Variants in INPP4B observed in about 807,000 individuals in gnomAD.
INPP4B encodes inositol polyphosphate 4-phosphatase type II.
INPP4B carries 55 observed loss-of-function variants against 122.5 expected under a neutral mutation model. The ratio of observed to expected loss-of-function variants is 0.45; its 90% CI spans 0.36 to 0.56. INPP4B has a LOEUF of 0.56. Ranked by LOEUF, INPP4B falls within the 20% of genes least tolerant of loss-of-function variation. INPP4B has a pLI of 0.00. For synonymous variants in INPP4B, 403 were observed against 388.7 expected (o/e 1.04, Z -0.43); for missense variants, 1,000 against 1,097.7 (o/e 0.91, Z 1.26).
intron 2 of INPP4B, among the ~76,000 whole-genome samples, chr4:142,585,747 T>C (rs1736026623): frequency 6.6e-6 from 1 of 152,040 alleles, no homozygotes; most frequent in African/African-American, 2.4e-5. Context: ...GAGTTGTTTC[T>C]TTGAAGTATC....
rs916545092 is a variant in INPP4B at position 142,026,456 on chromosome 4, C to T, written c.*2326G>A. 8.5e-5 allele frequency: 13 copies of T among 152,130 alleles called. No homozygotes were observed. The highest frequency in any genetic ancestry group is 2.9e-4 in the African/African-American group (12 of 41,432). 9.4% of individuals were successfully genotyped at this position (152,130 alleles called of 1,614,324 possible). A position where few individuals can be genotyped will look rare whatever the true frequency, so the allele number is the denominator to read the frequency against. ...CAGTAAGCACTATAATTTGAGACTT[C>T]TATATTATTCATTTATTTACTTATT... On this transcript the variant is annotated 3_prime_UTR_variant, in exon 26 of 26. Coordinates refer to ENST00000262992, the MANE Select transcript of INPP4B (RefSeq NM_001101669.3).
chr4:142,223,039 A>ATAACCATG (rs1338887388), intron 12 of INPP4B, among the ~76,000 whole-genome samples: 1 of 152,206 alleles, frequency 6.6e-6, no homozygotes, highest in African/African-American at 2.4e-5. Context: ...AAACCTCACA[A>ATAACCATG]TAACCATGTG....
intron 2 of INPP4B, among the ~76,000 whole-genome samples, chr4:142,709,470 C>G (rs895994580): frequency 2.6e-5 from 4 of 152,130 alleles, no homozygotes; most frequent in Admixed American, 6.5e-5. Flanking sequence ...GAAGAGGGGT[C>G]TGGTGGGATG....
intron 7 of INPP4B, among the ~76,000 whole-genome samples, chr4:142,335,032 T>C (rs1232651319): frequency 6.7e-6 from 1 of 149,276 alleles, no homozygotes; most frequent in African/African-American, 2.5e-5. Context: ...ATTCTGGCCT[T>C]CTAAGACCTC....
intron 3 of INPP4B, among the ~76,000 whole-genome samples, chr4:142,462,329 G>A (rs1816897642): frequency 6.6e-6 from 1 of 152,008 alleles, no homozygotes; most frequent in African/African-American, 2.4e-5. Context: ...TGCCTGATTT[G>A]TCCAATTCTA....
intron 7 of INPP4B, among the ~76,000 whole-genome samples, chr4:142,338,432 G>A (rs541960992): frequency 1.3e-5 from 2 of 152,084 alleles, no homozygotes; most frequent in African/African-American, 4.8e-5. Flanking sequence ...TAGAGATGGG[G>A]TTTCACCTTT....
intron 11 of INPP4B, among the ~76,000 whole-genome samples, chr4:142,244,976 G>A (rs946712729): frequency 1.3e-5 from 2 of 152,206 alleles, no homozygotes; most frequent in African/African-American, 4.8e-5. Context: ...CTAATGACCA[G>A]TGATGATGAG....
At chr4:142,662,170 G>C (rs924471621) in intron 2 of INPP4B, among the ~76,000 whole-genome samples, 11 of 151,990 alleles carry the variant, frequency 7.2e-5, no homozygotes, top group Non-Finnish European at 1.0e-4. Context: ...GGCAGGCGGA[G>C]CTTGTAGTGA....
intron 7 of INPP4B, among the ~76,000 whole-genome samples, chr4:142,369,069 G>A (rs752189801): frequency 2.0e-5 from 3 of 151,938 alleles, no homozygotes; most frequent in Admixed American, 6.6e-5. Context: ...GAAGAAAAAC[G>A]TTGAAAAAGT....
chr4:142,684,297 G>A (rs575117179), intron 2 of INPP4B, among the ~76,000 whole-genome samples: 34 of 152,116 alleles, frequency 2.2e-4, no homozygotes, highest in Non-Finnish European at 3.8e-4. Flanking sequence ...GGGCCTTACC[G>A]AATAGCGCTC....
At chr4:142,287,170 A>G (rs1381625414) in intron 9 of INPP4B, 2 of 152,164 alleles carry the variant, frequency 1.3e-5, no homozygotes, top group Non-Finnish European at 2.9e-5. Context: ...ATAATCTCCA[A>G]TGGATCTGTT....
intron 5 of INPP4B, among the ~76,000 whole-genome samples, chr4:142,415,903 A>C (rs1429362746): frequency 2.0e-5 from 3 of 152,008 alleles, no homozygotes; most frequent in Non-Finnish European, 4.4e-5. Context: ...TATCACAAGG[A>C]CAAAAAACCG....
At chr4:142,057,327 C>G (rs2645792) in intron 25 of INPP4B, among the ~76,000 whole-genome samples, 123,605 of 152,050 alleles carry the variant, frequency 0.81, 52,418 homozygotes, top group Non-Finnish European at 0.92. Context: ...GAAACGTAAC[C>G]TATAATCAAG....
At chr4:142,750,496 A>T (rs2150947220) in intron 1 of INPP4B, among the ~76,000 whole-genome samples, 1 of 152,238 alleles carries the variant, frequency 6.6e-6, no homozygotes, top group South Asian at 2.1e-4. Context: ...CTCTTTCACT[A>T]AACTTAGCGT....
At chr4:142,079,498 TC>T (rs1356437920) in intron 25 of INPP4B, among the ~76,000 whole-genome samples, 1 of 152,064 alleles carries the variant, frequency 6.6e-6, no homozygotes, top group Non-Finnish European at 1.5e-5. Context: ...ACCCCAGTAA[TC>T]AATCAGCATT....
intron 8 of INPP4B, among the ~76,000 whole-genome samples, chr4:142,308,289 C>T (rs1764196144): frequency 1.3e-5 from 2 of 152,186 alleles, no homozygotes; most frequent in African/African-American, 4.8e-5. Flanking sequence ...ATAACGATGG[C>T]ATCATACCAT....
intron 6 of INPP4B, 76 bp downstream of exon 6, chr4:142,405,130 A>G (rs1296706112): frequency 3.6e-5 from 26 of 714,374 alleles, no homozygotes; most frequent in African/African-American, 3.0e-4. Context: ...GGGGGGAGGG[A>G]GAGAGAGAGC....
intron 11 of INPP4B, among the ~76,000 whole-genome samples, 167 bp from the exon 12 acceptor site, chr4:142,238,178 T>A (rs1205373619): frequency 6.6e-6 from 1 of 152,062 alleles, no homozygotes; most frequent in Non-Finnish European, 1.5e-5. Flanking sequence ...CTAAGAATTT[T>A]ATTTTGATTA....
At chr4:142,817,986 G>A (rs1226590805) in intron 1 of INPP4B, among the ~76,000 whole-genome samples, 1 of 152,126 alleles carries the variant, frequency 6.6e-6, no homozygotes, top group Non-Finnish European at 1.5e-5. Flanking sequence ...TAGAAGTGGA[G>A]AGTGAAAGGG....
Sources: allele counts gnomAD v4.1 joint callset (sites outside exome capture counted in the v4.1 genomes callset), GRCh38; gene constraint gnomAD v4.1.1; transcripts MANE v1.5; gene names NCBI Gene and HGNC (gene_info 2026-07-23, HGNC 2026-07-21).